RGS6: variants seen among roughly 807,000 people sequenced by gnomAD.
RGS6 encodes regulator of G protein signaling 6.
In RGS6, 30 loss-of-function variants were observed where a neutral mutation model predicts 78.5. That is an observed-to-expected ratio of 0.38 (90% confidence interval 0.29 to 0.52). The LOEUF is 0.52. RGS6 is among the 20% of genes least tolerant of loss of function. RGS6 has a pLI of 0.85. For missense variants in RGS6, 495 were observed against 609.7 expected, an observed-to-expected ratio of 0.81 and a Z score of 1.98; for synonymous variants, 206 against 206.0, an observed-to-expected ratio of 1.00 and a Z score of 0.00.
At chr14:71,906,056 C>G in the RGS6 span, among the ~76,000 whole-genome samples, 15 of 152,316 alleles carry the variant, frequency 9.8e-5, no homozygotes, top group Admixed American at 9.8e-4. Flanking sequence ...CTGCTGGCAA[C>G]CATCTGAAGT....
chr14:72,053,133 C>CT (rs1210264222), intron 2 of RGS6, among the ~76,000 whole-genome samples: 1 of 119,882 alleles, frequency 8.3e-6, no homozygotes, highest in African/African-American at 3.2e-5. Context: ...TCCTTCCTTT[C>CT]TTTTTTTGAT....
At chr14:71,992,435 C>T (rs150658752) in intron 2 of RGS6, among the ~76,000 whole-genome samples, 31 of 149,846 alleles carry the variant, frequency 2.1e-4, no homozygotes, top group East Asian at 7.7e-4. Flanking sequence ...CCTTACTCTG[C>T]GCTTGCAACA....
chr14:72,298,620 T>C (rs2065377651), intron 2 of RGS6, among the ~76,000 whole-genome samples: 1 of 151,886 alleles, frequency 6.6e-6, no homozygotes, highest in African/African-American at 2.4e-5. Flanking sequence ...GCTAATTTTT[T>C]TGTATTTTTA....
intron 3 of RGS6, among the ~76,000 whole-genome samples, chr14:72,413,926 G>A (rs2093615403): frequency 6.6e-6 from 1 of 152,218 alleles, no homozygotes; most frequent in Non-Finnish European, 1.5e-5. Context: ...TAGAGTTTCT[G>A]CTGAGAGATC....
chr14:72,510,397 G>C, intron 14 of RGS6, 118 bp downstream of exon 14: 1 of 1,299,156 alleles, frequency 7.7e-7, no homozygotes, highest in Non-Finnish European at 1.1e-6. Context: ...TCAAATGCCA[G>C]CTAATCTGGC....
intron 2 of RGS6, among the ~76,000 whole-genome samples, chr14:72,200,794 A>G (rs1033706543): frequency 2.6e-5 from 4 of 152,112 alleles, no homozygotes; most frequent in African/African-American, 9.7e-5. Context: ...AACAAACACA[A>G]AAAGACTCAC....
intron 2 of RGS6, among the ~76,000 whole-genome samples, chr14:71,982,603 T>C (rs1300894099): frequency 1.3e-5 from 2 of 152,200 alleles, no homozygotes; most frequent in East Asian, 3.8e-4. Flanking sequence ...CTTGGAGGAC[T>C]CTGACCTCTA....
intron 2 of RGS6, among the ~76,000 whole-genome samples, chr14:72,146,964 G>A (rs2096614624): frequency 6.6e-6 from 1 of 152,166 alleles, no homozygotes; most frequent in African/African-American, 2.4e-5. Context: ...ATTCCACCAA[G>A]TTTGTAACTG....
At chr14:72,478,072 C>T (rs749888799) in intron 11 of RGS6, among the ~76,000 whole-genome samples, 196 bp from the exon 12 acceptor site, 2 of 152,026 alleles carry the variant, frequency 1.3e-5, no homozygotes, top group Non-Finnish European at 2.9e-5. Flanking sequence ...GGCTAAATTG[C>T]AGAATATGAA....
chr14:71,916,159 C>T, the RGS6 span, among the ~76,000 whole-genome samples: 55,407 of 152,088 alleles, frequency 0.36, 11,758 homozygotes, highest in Admixed American at 0.48. Context: ...CAGACATGTC[C>T]CCTCTGCTTT....
rs575658004 is a variant in RGS6, at chr14:72,099,764, T to G, written c.84+134889T>G. ...GGCGGGGATTATTTGTCTTTAGACT[T>G]GTTCCTTTTTGTGAAAGTGACAGTA... On this transcript the variant is annotated intron_variant, in intron 2 of 17. Coordinates refer to ENST00000553525, the MANE Select transcript of RGS6 (RefSeq NM_001204424.2). Among the ~76,000 whole-genome samples the G allele has an allele frequency of 7.4e-4, 113 of 152,342 alleles. 1 individual carries two copies. The highest frequency in any genetic ancestry group is 2.6e-3 in the African/African-American group (108 of 41,582).
chr14:72,409,303 A>G (rs752433850), intron 3 of RGS6, among the ~76,000 whole-genome samples: 39 of 152,198 alleles, frequency 2.6e-4, no homozygotes, highest in Non-Finnish European at 4.1e-4. Context: ...ATGGGTAGTG[A>G]GCTTTAATAG....
chr14:72,474,256 T>A (rs1230729483), intron 9 of RGS6, among the ~76,000 whole-genome samples: 1 of 152,186 alleles, frequency 6.6e-6, no homozygotes, highest in Non-Finnish European at 1.5e-5. Context: ...TTCTTAAAAT[T>A]TGATTAAAAG....
intron 2 of RGS6, among the ~76,000 whole-genome samples, chr14:72,106,155 G>A (rs1314500490): frequency 6.6e-6 from 1 of 152,152 alleles, no homozygotes; most frequent in African/African-American, 2.4e-5. Flanking sequence ...TCATGATATT[G>A]ATAAGAACTT....
intron 2 of RGS6, among the ~76,000 whole-genome samples, chr14:72,124,380 C>T (rs758911561): frequency 3.3e-5 from 5 of 152,038 alleles, no homozygotes; most frequent in South Asian, 4.2e-4. Context: ...TTCTTAATAA[C>T]GAACACAATA....
intron 2 of RGS6, among the ~76,000 whole-genome samples, chr14:72,090,534 A>G (rs1414836699): frequency 6.6e-6 from 1 of 152,228 alleles, no homozygotes; most frequent in Non-Finnish European, 1.5e-5. Flanking sequence ...TAAAGTTTCT[A>G]TGATTACAAT....
intron 2 of RGS6, among the ~76,000 whole-genome samples, chr14:72,123,857 G>A (rs1460250172): frequency 6.6e-6 from 1 of 152,052 alleles, no homozygotes; most frequent in African/African-American, 2.4e-5. Context: ...TATGTAAATG[G>A]AAATGCCCTC....
intron 3 of RGS6, among the ~76,000 whole-genome samples, chr14:72,387,997 C>A (rs2088788888): frequency 6.6e-6 from 1 of 152,146 alleles, no homozygotes; most frequent in South Asian, 2.1e-4. Flanking sequence ...TTCAGGCATA[C>A]CCTGATGACC....
chr14:72,504,993 G>C (rs2096781332), intron 13 of RGS6, among the ~76,000 whole-genome samples: 1 of 139,100 alleles, frequency 7.2e-6, no homozygotes, highest in Non-Finnish European at 1.5e-5. Flanking sequence ...GTCCAGGCTG[G>C]TCTCAAACTC....
Sources: gnomAD v4.1 joint callset for allele counts (sites outside exome capture counted in the v4.1 genomes callset) on GRCh38, gnomAD v4.1.1 for gene constraint, MANE v1.5 for transcripts, NCBI Gene and HGNC (gene_info 2026-07-23, HGNC 2026-07-21) for gene names.